AMZ1: variants seen among roughly 807,000 people sequenced by gnomAD.
AMZ1 encodes the protein archaelysin family metallopeptidase 1, also known as archaemetzincin-1.
AMZ1 carries 39 observed loss-of-function variants against 29.9 expected under a neutral mutation model. The ratio of observed to expected loss-of-function variants is 1.30; its 90% CI spans 1.01 to 1.70. The LOEUF (loss-of-function observed/expected upper bound fraction) is 1.70. Ranked by LOEUF, AMZ1 falls within the 40% of genes most tolerant of loss-of-function variation. The pLI is 0.00. For synonymous variants in AMZ1, 458 were observed against 304.0 expected, an observed-to-expected ratio of 1.51 and a Z score of -5.27; for missense variants, 1,041 against 680.6, an observed-to-expected ratio of 1.53 and a Z score of -5.89.
rs201069985 is a variant in AMZ1 at position 2,712,771 on chromosome 7, C to T, written c.1390C>T (p.Arg464Cys). The change falls in exon 7 of 7, where the codon CGC becomes TGC. Residue 464 changes from arginine to cysteine, a missense_variant. By Grantham distance (180) the Arg-to-Cys change is radical. Coordinates refer to ENST00000683327, the MANE Select transcript of AMZ1 (RefSeq NM_001384743.1). ...PPSSRDSVGL[R>C]KVLGDKFSSL... ...CAGCAGCAGGGACAGCGTGGGGCTG[C>T]GCAAGGTGCTGGGGGACAAGTTCTC... is the stretch of plus-strand genomic sequence containing the variant. The T allele has an allele frequency of 1.2e-4, 187 of 1,590,780 alleles. 2 individuals are homozygous for T. The highest frequency in any genetic ancestry group is 8.7e-4 in the East Asian group (39 of 44,618).
At chr7:2,764,252 T>C (rs770159969), upstream of AMZ1, among the ~76,000 whole-genome samples, 54 of 151,798 alleles carry the variant, frequency 3.6e-4, no homozygotes, top group South Asian at 1.0e-3. Context: ...TTCTTTTTTT[T>C]TTTTTTTTTT....
At chr7:2,745,321 T>C (rs948891419) in intron 4 of AMZ1, among the ~76,000 whole-genome samples, 1 of 152,268 alleles carries the variant, frequency 6.6e-6, no homozygotes, top group African/African-American at 2.4e-5. Flanking sequence ...AGCTGATCTC[T>C]TGGCAGAAAC....
At chr7:2,692,311 C>T (rs994436444) in intron 1 of AMZ1, among the ~76,000 whole-genome samples, 6 of 152,060 alleles carry the variant, frequency 3.9e-5, no homozygotes, top group East Asian at 1.9e-4. Context: ...GAGGCCGAGG[C>T]GGGCGGATCA....
At chr7:2,708,332 G>C (rs915998368) in intron 3 of AMZ1, among the ~76,000 whole-genome samples, 17 of 152,184 alleles carry the variant, frequency 1.1e-4, no homozygotes, top group South Asian at 2.1e-4. Flanking sequence ...TGGCCCGGCT[G>C]CCTCTCCAGC....
intron 4 of AMZ1, among the ~76,000 whole-genome samples, chr7:2,732,072 A>G (rs148885947): frequency 3.3e-5 from 5 of 152,040 alleles, no homozygotes; most frequent in African/African-American, 1.2e-4. Flanking sequence ...CATACCAGAG[A>G]TACCTTTTTA....
At chr7:2,689,537 C>A (rs1787263081) in intron 1 of AMZ1, among the ~76,000 whole-genome samples, 1 of 152,230 alleles carries the variant, frequency 6.6e-6, no homozygotes, top group Non-Finnish European at 1.5e-5. Flanking sequence ...TCAGAACATC[C>A]CTGCTCCAGG....
Position 2,709,666 on chromosome 7 carries a change from T to C in AMZ1, c.798T>C (p.Leu266=). 1 of 1,610,392 alleles carries C rather than the reference T, an allele frequency of 6.2e-7. No individual in the cohort carries two copies. The highest frequency in any genetic ancestry group is 1.1e-5 in the South Asian group (1 of 90,948). ...TCACGTGCCACGAGCTCTGCCACCT[T>C]CTGGGCCTGGGGAACTGCCGCTGGC... is the stretch of plus-strand genomic sequence containing the variant. ...CKVTCHELCH[L]LGLGNCRWLR... is the part of the protein sequence containing the mutation. Residue 266 remains leucine (L), a synonymous_variant, in exon 6 of 7, where the codon CTT becomes CTC. Transcript: ENST00000683327.
Position 2,717,907 on chromosome 7 carries a change from C to T in AMZ1, c.*5029C>T, listed in dbSNP as rs1445207760. Among the ~76,000 whole-genome samples the T allele has an allele frequency of 6.6e-6, 1 of 152,186 alleles. No individual in the cohort carries two copies. Among genetic ancestry groups the T allele is most frequent in the Non-Finnish European group, 1.5e-5 (1 of 68,036 alleles). On this transcript the variant is annotated 3_prime_UTR_variant, in exon 7 of 7. Coordinates refer to ENST00000683327, the MANE Select transcript of AMZ1 (RefSeq NM_001384743.1). ...GTCCTGGGGTCACCACGCGTTCAGT[C>T]CAACTCTTCCCCGCTGCAGTGTTCC...
chr7:2,742,560 C>G (rs1159198197), intron 4 of AMZ1, among the ~76,000 whole-genome samples: 3 of 152,196 alleles, frequency 2.0e-5, no homozygotes, highest in Non-Finnish European at 2.9e-5. Flanking sequence ...TCCTCGCTTA[C>G]TTTGGTGCTC....
At position 2,718,646 on chromosome 7, in the gene AMZ1, G is replaced by GC. The variant is rs1484117501; in HGVS notation, c.*5769dup. Among the ~76,000 whole-genome samples the GC allele has an allele frequency of 6.6e-6, 1 of 152,238 alleles. No homozygotes were observed. On this transcript the variant is annotated 3_prime_UTR_variant, in exon 7 of 7. Transcript: ENST00000683327. ...TCGGTCAGGCTTTCAGCAGCAGAAG[G>GC]CAGTGGACTCTTCACCATTTCTTCC...
Position 2,709,713 on chromosome 7 carries a change from C to T in AMZ1, c.845C>T (p.Ala282Val), listed in dbSNP as rs372905267. ...TGGCTCCGCTGCCTCATGCAGGGTG[C>T]GCTCAGCCTGGACGAGGCCCTGCGG... ...CRWLRCLMQG[A>V]LSLDEALRRP... is the part of the protein sequence containing the mutation. Residue 282 changes from alanine (A) to valine (V), a missense_variant, in exon 6 of 7, where the codon GCG becomes GTG. Coordinates refer to ENST00000683327, the MANE Select transcript of AMZ1 (RefSeq NM_001384743.1). The T allele has an allele frequency of 8.7e-5, 140 of 1,611,076 alleles. No individual in the cohort carries two copies. The highest frequency in any genetic ancestry group is 1.7e-4 in the African/African-American group (13 of 74,870).
intron 4 of AMZ1, among the ~76,000 whole-genome samples, chr7:2,755,373 T>G (rs1791245064): frequency 2.0e-5 from 3 of 152,176 alleles, no homozygotes; most frequent in African/African-American, 7.2e-5. Context: ...CAGCACTGAG[T>G]TTTCCATGAA....
At chr7:2,739,813 A>T (rs1790408127) in intron 4 of AMZ1, among the ~76,000 whole-genome samples, 1 of 152,148 alleles carries the variant, frequency 6.6e-6, no homozygotes. Flanking sequence ...GCTGGATTAC[A>T]GGCGTGCGCC....
chr7:2,684,785 G>T (rs1419210528), upstream of AMZ1, among the ~76,000 whole-genome samples: 5 of 152,182 alleles, frequency 3.3e-5, no homozygotes, highest in Non-Finnish European at 5.9e-5. Context: ...GCACCCAGGA[G>T]GGGCCCTACT....
At chr7:2,691,157 CT>C (rs1483070917) in intron 1 of AMZ1, among the ~76,000 whole-genome samples, 3 of 127,324 alleles carry the variant, frequency 2.4e-5, no homozygotes, top group Non-Finnish European at 4.8e-5. Context: ...AAAAGCATTT[CT>C]CATTTCCTGA....
At chr7:2,734,386 G>A (rs1271274599) in intron 4 of AMZ1, among the ~76,000 whole-genome samples, 2 of 152,210 alleles carry the variant, frequency 1.3e-5, no homozygotes, top group African/African-American at 2.4e-5. Context: ...CAGCAGGCGG[G>A]GTCAAGGCTT....
chr7:2,745,466 T>C (rs530713056), intron 4 of AMZ1, among the ~76,000 whole-genome samples: 125 of 152,224 alleles, frequency 8.2e-4, no homozygotes, highest in Admixed American at 7.8e-3. Context: ...GACAAGCAAA[T>C]GCTGAGAGAT....
intron 4 of AMZ1, among the ~76,000 whole-genome samples, chr7:2,737,787 G>A (rs1790283727): frequency 6.6e-6 from 1 of 152,126 alleles, no homozygotes; most frequent in Non-Finnish European, 1.5e-5. Flanking sequence ...CTATGCCAAA[G>A]GCCCAGGTTT....
At chr7:2,747,625 C>T (rs550983985) in intron 4 of AMZ1, among the ~76,000 whole-genome samples, 27 of 152,294 alleles carry the variant, frequency 1.8e-4, no homozygotes, top group African/African-American at 6.3e-4. Flanking sequence ...CAGGGATGCC[C>T]TCTCTCACCA....
Sources: gnomAD v4.1 joint callset for allele counts (sites outside exome capture counted in the v4.1 genomes callset) on GRCh38, gnomAD v4.1.1 for gene constraint, MANE v1.5 for transcripts, NCBI Gene and HGNC (gene_info 2026-07-23, HGNC 2026-07-21) for gene names.